ROBO1: variants seen among roughly 807,000 people sequenced by gnomAD.
ROBO1 encodes the protein roundabout homolog 1.
In ROBO1, 149 loss-of-function variants were observed where a neutral mutation model predicts 195.9. The observed-to-expected ratio is 0.76, with a 90% CI of 0.67 to 0.87. ROBO1 has a LOEUF of 0.87. ROBO1 is among the 40% of genes least tolerant of loss of function. The pLI, the probability that ROBO1 is intolerant of heterozygous loss-of-function variation, is 0.00. For synonymous variants in ROBO1, 816 were observed against 733.2 expected (o/e 1.11, Z -1.82); for missense variants, 1,933 against 2,068.3 (o/e 0.93, Z 1.27).
intron 1 of ROBO1, among the ~76,000 whole-genome samples, chr3:79,682,034 A>C (rs757561798): frequency 6.6e-6 from 1 of 152,100 alleles, no homozygotes; most frequent in Non-Finnish European, 1.5e-5. Flanking sequence ...CAATCAAGCA[A>C]AATGTAATTT....
chr3:78,965,600 TTAAG>T (rs2076624223), intron 3 of ROBO1, among the ~76,000 whole-genome samples: 1 of 152,076 alleles, frequency 6.6e-6, no homozygotes. Flanking sequence ...TTTATCTTCT[TTAAG>T]TATGTTTATT....
At chr3:79,414,735 G>T (rs1386283593) in intron 2 of ROBO1, among the ~76,000 whole-genome samples, 2 of 152,156 alleles carry the variant, frequency 1.3e-5, no homozygotes, top group East Asian at 3.9e-4. Context: ...TAAAGAGAGA[G>T]CCATTATAAA....
chr3:79,212,808 A>G (rs1445180223), intron 2 of ROBO1, among the ~76,000 whole-genome samples: 3 of 151,826 alleles, frequency 2.0e-5, no homozygotes, highest in Non-Finnish European at 4.4e-5. Flanking sequence ...CATCAGAGTA[A>G]GACTCTGTCT....
intron 3 of ROBO1, among the ~76,000 whole-genome samples, chr3:79,034,134 A>G (rs2078342609): frequency 6.6e-6 from 1 of 152,180 alleles, no homozygotes; most frequent in South Asian, 2.1e-4. Context: ...GGTTCTCCAT[A>G]AACAGAGGAA....
At chr3:79,158,803 T>A (rs111427967) in intron 2 of ROBO1, among the ~76,000 whole-genome samples, 1 of 151,780 alleles carries the variant, frequency 6.6e-6, no homozygotes, top group African/African-American at 2.4e-5. Context: ...TTAATATGGG[T>A]TTTTGTATTT....
chr3:78,822,086 A>G (rs529821286), intron 4 of ROBO1, among the ~76,000 whole-genome samples: 2 of 136,358 alleles, frequency 1.5e-5, no homozygotes, highest in African/African-American at 5.6e-5. Flanking sequence ...GGAAACACAC[A>G]TATACATACA....
chr3:78,659,488 C>A (rs1707242571), intron 17 of ROBO1, among the ~76,000 whole-genome samples, 198 bp downstream of exon 17: 2 of 152,092 alleles, frequency 1.3e-5, no homozygotes. Context: ...TGTGCAAGGG[C>A]CCCTGTCAGA....
At chr3:79,045,013 G>A (rs2078564171) in intron 3 of ROBO1, among the ~76,000 whole-genome samples, 1 of 151,926 alleles carries the variant, frequency 6.6e-6, no homozygotes, top group South Asian at 2.1e-4. Flanking sequence ...CACTATGTTT[G>A]CCTGTTTCAG....
intron 2 of ROBO1, among the ~76,000 whole-genome samples, chr3:79,555,116 G>A (rs888580552): frequency 6.6e-6 from 1 of 151,990 alleles, no homozygotes; most frequent in Non-Finnish European, 1.5e-5. Flanking sequence ...GGTTTCATGA[G>A]GAGTTTGAAG....
chr3:78,714,624 C>A, intron 7 of ROBO1, 100 bp from the exon 8 acceptor site: 1 of 1,089,654 alleles, frequency 9.2e-7, no homozygotes. Context: ...ACATTCTTTT[C>A]TGATAACTTA....
At chr3:79,764,446 A>C (rs1255961307) in intron 1 of ROBO1, among the ~76,000 whole-genome samples, 4 of 152,232 alleles carry the variant, frequency 2.6e-5, no homozygotes, top group African/African-American at 9.6e-5. Flanking sequence ...GGTGGCAAGA[A>C]GGAGCTCATT....
chr3:78,711,355 CTTCCTTCCTTCCTTCCT>C (rs2081703444), intron 8 of ROBO1, among the ~76,000 whole-genome samples: 2 of 35,646 alleles, frequency 5.6e-5, no homozygotes, highest in African/African-American at 4.3e-4. Context: ...TTCCTCCTTC[CTTCCTTCCTTCCTTCCT>C]TCCTTCCTTC....
chr3:79,356,805 G>A (rs1298711206), intron 2 of ROBO1, among the ~76,000 whole-genome samples: 1 of 152,090 alleles, frequency 6.6e-6, no homozygotes, highest in Non-Finnish European at 1.5e-5. Flanking sequence ...AAAGACATTC[G>A]CAGGGCATTC....
chr3:78,634,072 C>G, intron 23 of ROBO1, 30 bp from the exon 24 acceptor site: 1 of 1,431,720 alleles, frequency 7.0e-7, no homozygotes, highest in Non-Finnish European at 9.8e-7. Context: ...AAACAATAAA[C>G]ATTTATTTTC....
chr3:79,607,012 C>T lies in ROBO1; in HGVS notation c.-50-17051G>A, dbSNP rs78002000. On this transcript the variant is annotated intron_variant, in intron 1 of 30. Transcript: ENST00000464233. Reference sequence around the variant, plus strand: ...TTGTCCTTACTGAGATTTCCGATAGCAATGTCCTTAACCTATAATTAAGCA... The same window carrying T: ...TTGTCCTTACTGAGATTTCCGATAGTAATGTCCTTAACCTATAATTAAGCA... Among the ~76,000 whole-genome samples, 1,454 of 151,356 alleles carry T rather than the reference C, an allele frequency of 9.6e-3. 22 individuals carry two copies. Among genetic ancestry groups the T allele is most frequent in the African/African-American group, 0.034 (1,385 of 41,290 alleles).
At chr3:79,115,887 CA>C (rs1443509101) in intron 3 of ROBO1, among the ~76,000 whole-genome samples, 1 of 151,920 alleles carries the variant, frequency 6.6e-6, no homozygotes. Flanking sequence ...TTGCTTCCAA[CA>C]AAAAAATTAT....
At position 79,043,768 on chromosome 3, in the gene ROBO1, C is replaced by A. The variant is rs1391009575; in HGVS notation, c.172+81688G>T. The stretch of plus-strand genomic sequence containing the variant: ...ACCACCTACAGCTAAACTAGGCAAA[C>A]AAAGAACTCTTGTCAGAGGGTTACA... On this transcript the variant is annotated intron_variant, in intron 3 of 30. Coordinates refer to ENST00000464233, the MANE Select transcript of ROBO1 (RefSeq NM_002941.4). Among the ~76,000 whole-genome samples the A allele has an allele frequency of 2.0e-5, 3 of 151,956 alleles. No individual in the cohort carries two copies. In the East Asian group the frequency reaches 5.8e-4, roughly 29 times the overall value.
chr3:79,342,262 A>C (rs1325726426), intron 2 of ROBO1, among the ~76,000 whole-genome samples: 2 of 152,220 alleles, frequency 1.3e-5, no homozygotes, highest in Non-Finnish European at 2.9e-5. Flanking sequence ...TGGCATTTGC[A>C]GAAGATTATT....
chr3:79,486,496 C>G (rs1327049520), intron 2 of ROBO1, among the ~76,000 whole-genome samples: 1 of 152,120 alleles, frequency 6.6e-6, no homozygotes, highest in Non-Finnish European at 1.5e-5. Flanking sequence ...TGACTGTGAA[C>G]TACTTCCACC....
Sources: gnomAD v4.1 joint callset for allele counts (sites outside exome capture counted in the v4.1 genomes callset) on GRCh38, gnomAD v4.1.1 for gene constraint, MANE v1.5 for transcripts, NCBI Gene and HGNC (gene_info 2026-07-23, HGNC 2026-07-21) for gene names.